The following SLMAP variants were observed in gnomAD, a reference collection of about 807,000 sequenced individuals.
The protein encoded by SLMAP is sarcolemmal membrane-associated protein.
A neutral mutation model predicts 128.8 loss-of-function variants in SLMAP; 44 were observed. The observed-to-expected ratio is 0.34, with a 90% CI of 0.27 to 0.44. The LOEUF (loss-of-function observed/expected upper bound fraction) is 0.44. Ranked by LOEUF, SLMAP falls within the 20% of genes least tolerant of loss-of-function variation. SLMAP has a pLI of 1.00. For synonymous variants in SLMAP, 327 were observed against 348.8 expected, an observed-to-expected ratio of 0.94 and a Z score of 0.70; for missense variants, 787 against 985.3, an observed-to-expected ratio of 0.80 and a Z score of 2.69.
intron 23 of SLMAP, among the ~76,000 whole-genome samples, chr3:57,923,551 G>A (rs191162827): frequency 6.6e-6 from 1 of 152,292 alleles, no homozygotes; most frequent in Admixed American, 6.5e-5. Flanking sequence ...GGTATAAATT[G>A]AGTTTAATTT....
rs1191347140 is a variant in SLMAP at position 57,927,355 on chromosome 3, G to A, written c.*66G>A. 6 of 1,601,300 alleles carry A rather than the reference G, an allele frequency of 3.7e-6. No individual in the cohort carries two copies. Among genetic ancestry groups the A allele is most frequent in the South Asian group, 1.1e-5 (1 of 89,550 alleles). ...TGGTTGCAGTAACAGCCATCGTGCT[G>A]TACGTGCCAGGTCTGGCCAGAGCTT... is the stretch of plus-strand genomic sequence containing the variant. On this transcript the variant is annotated 3_prime_UTR_variant, in exon 25 of 25. Transcript: ENST00000671191.
chr3:57,825,949 G>C (rs888625055), intron 2 of SLMAP, among the ~76,000 whole-genome samples: 2 of 152,210 alleles, frequency 1.3e-5, no homozygotes, highest in African/African-American at 4.8e-5. Context: ...TAACAAAGTT[G>C]GTTCTGATAG....
chr3:57,895,767 C>T (rs1175737667), intron 15 of SLMAP, among the ~76,000 whole-genome samples: 1 of 151,834 alleles, frequency 6.6e-6, no homozygotes, highest in Non-Finnish European at 1.5e-5. Context: ...CATAGCAAGA[C>T]CTCATCTCTA....
intron 2 of SLMAP, among the ~76,000 whole-genome samples, chr3:57,793,781 C>T (rs1190297528): frequency 6.6e-6 from 1 of 151,680 alleles, no homozygotes; most frequent in African/African-American, 2.4e-5. Flanking sequence ...TTTTTTAAAG[C>T]TGGTGCGGTG....
chr3:57,823,605 A>T (rs1429351935), intron 2 of SLMAP, among the ~76,000 whole-genome samples: 2 of 152,152 alleles, frequency 1.3e-5, no homozygotes, highest in Non-Finnish European at 2.9e-5. Context: ...ACATTTTCTT[A>T]ATCCAGTCTA....
intron 10 of SLMAP, 120 bp downstream of exon 10, chr3:57,862,206 T>C: frequency 1.4e-6 from 1 of 729,180 alleles, no homozygotes; most frequent in Non-Finnish European, 2.3e-6. Context: ...TAATCCCAGC[T>C]TCTCAGGAGG....
At chr3:57,875,863 T>A (rs2095593845) in intron 14 of SLMAP, among the ~76,000 whole-genome samples, 1 of 152,258 alleles carries the variant, frequency 6.6e-6, no homozygotes. Flanking sequence ...TTAATAAGTA[T>A]TTTTAATATT....
chr3:57,830,031 T>TTTTG (rs998966689), intron 2 of SLMAP, among the ~76,000 whole-genome samples: 4 of 152,346 alleles, frequency 2.6e-5, no homozygotes, highest in Non-Finnish European at 5.9e-5. Flanking sequence ...TAATATCTTT[T>TTTTG]TTTGTTTGTT....
intron 14 of SLMAP, among the ~76,000 whole-genome samples, chr3:57,889,670 T>A (rs902904289): frequency 1.7e-4 from 26 of 152,196 alleles, no homozygotes; most frequent in African/African-American, 5.8e-4. Context: ...CGATATAACT[T>A]AATTTTTATT....
chr3:57,758,002 C>T (rs1051042106), intron 2 of SLMAP, among the ~76,000 whole-genome samples, 153 bp downstream of exon 2: 1 of 151,998 alleles, frequency 6.6e-6, no homozygotes, highest in Non-Finnish European at 1.5e-5. Flanking sequence ...GTGCCTGGTT[C>T]TAGTGGAAAT....
intron 17 of SLMAP, chr3:57,898,344 G>A (rs1156985313): frequency 6.6e-6 from 1 of 152,128 alleles, no homozygotes; most frequent in Non-Finnish European, 1.5e-5. Flanking sequence ...TTATGGGAAC[G>A]TGGAGAAAAA....
At position 57,889,179 on chromosome 3, in the gene SLMAP, C is replaced by T. The variant is rs570826001; in HGVS notation, c.1301-862C>T. Among the ~76,000 whole-genome samples, 37 of 152,322 alleles carry T rather than the reference C, an allele frequency of 2.4e-4. No homozygotes were observed. In the South Asian group the frequency reaches 6.6e-3, roughly 27 times the overall value. ...GATTACAGGCGTGAGCCACTGCGCA[C>T]GGCCCCTCTTTCTGATTTTAAAAAG... On this transcript the variant is annotated intron_variant, in intron 14 of 24. Coordinates refer to ENST00000671191, the MANE Select transcript of SLMAP (RefSeq NM_001377540.1).
At chr3:57,902,547 C>T (rs887808601) in intron 17 of SLMAP, among the ~76,000 whole-genome samples, 2 of 152,120 alleles carry the variant, frequency 1.3e-5, no homozygotes, top group African/African-American at 4.8e-5. Flanking sequence ...ACAGGTAAGG[C>T]AGTCAAGAGG....
intron 17 of SLMAP, among the ~76,000 whole-genome samples, chr3:57,903,376 A>G (rs945237627): frequency 1.3e-5 from 2 of 152,224 alleles, no homozygotes; most frequent in East Asian, 1.9e-4. Flanking sequence ...GGACACATCC[A>G]CTTGCCAGGT....
Position 57,907,964 on chromosome 3 carries a change from G to A in SLMAP, c.1582G>A (p.Glu528Lys), listed in dbSNP as rs1386449551. Reference sequence around the variant, plus strand: ...TCGAAAGGAATTGATCGAAGCCCAGGAGCTAGCTAGAACAAGTAAACAAAA... The same window carrying A: ...TCGAAAGGAATTGATCGAAGCCCAGAAGCTAGCTAGAACAAGTAAACAAAA... ...HLRKELIEAQELARTSKQKCF... is the reference protein window; with the variant it reads ...HLRKELIEAQKLARTSKQKCF... Residue 528 changes from glutamate (E) to lysine (K), a missense_variant, in exon 18 of 25, where the codon GAG (glutamate) becomes AAG (lysine). Coordinates refer to ENST00000671191, the MANE Select transcript of SLMAP (RefSeq NM_001377540.1). The A allele has an allele frequency of 6.2e-7, 1 of 1,613,934 alleles. No homozygotes were observed. The highest frequency in any genetic ancestry group is 1.1e-5 in the South Asian group (1 of 91,062).
chr3:57,861,868 T>C (rs2095082549), intron 9 of SLMAP, 81 bp from the exon 10 acceptor site: 1 of 1,234,470 alleles, frequency 8.1e-7, no homozygotes, highest in East Asian at 2.5e-5. Flanking sequence ...ATTATACTTT[T>C]TATAAATTTC....
intron 14 of SLMAP, among the ~76,000 whole-genome samples, chr3:57,877,869 C>T (rs2095641669): frequency 7.0e-6 from 1 of 142,884 alleles, no homozygotes; most frequent in African/African-American, 2.6e-5. Context: ...GAGTCTCGCT[C>T]CGTTGCCCAG....
At chr3:57,818,435 G>A (rs2092154086) in intron 2 of SLMAP, among the ~76,000 whole-genome samples, 1 of 152,200 alleles carries the variant, frequency 6.6e-6, no homozygotes, top group Non-Finnish European at 1.5e-5. Flanking sequence ...GATTACAGGC[G>A]TGAGCCACTG....
chr3:57,771,289 T>A (rs2080849584), intron 2 of SLMAP, among the ~76,000 whole-genome samples: 1 of 151,868 alleles, frequency 6.6e-6, no homozygotes, highest in Admixed American at 6.6e-5. Context: ...CAATGGTGGA[T>A]CACAGCTCAC....
Sources: gnomAD v4.1 joint callset for allele counts (sites outside exome capture counted in the v4.1 genomes callset) on GRCh38, gnomAD v4.1.1 for gene constraint, MANE v1.5 for transcripts, NCBI Gene and HGNC (gene_info 2026-07-23, HGNC 2026-07-21) for gene names.